RASA2: variants seen among roughly 807,000 people sequenced by gnomAD.
RASA2 encodes RAS p21 protein activator 2, also known as ras GTPase-activating protein 2.
In RASA2, 155 loss-of-function variants were observed where a neutral mutation model predicts 118.2. That is an observed-to-expected ratio of 1.31 (90% CI 1.15 to 1.50). The LOEUF (loss-of-function observed/expected upper bound fraction) is 1.50. Among genes scored for constraint, RASA2 ranks in the 40% most tolerant of loss-of-function variants. The pLI is 0.00. For synonymous variants in RASA2, 353 were observed against 349.1 expected (o/e 1.01, Z -0.12); for missense variants, 1,016 against 1,009.6 (o/e 1.01, Z -0.09).
intron 7 of RASA2, among the ~76,000 whole-genome samples, chr3:141,557,348 C>A (rs2082665292): frequency 6.6e-6 from 1 of 152,168 alleles, no homozygotes; most frequent in African/African-American, 2.4e-5. Flanking sequence ...ATGAACTCTG[C>A]TCCATTAAAG....
intron 19 of RASA2, among the ~76,000 whole-genome samples, chr3:141,607,105 G>C (rs1442853266): frequency 6.6e-6 from 1 of 152,056 alleles, no homozygotes; most frequent in Non-Finnish European, 1.5e-5. Context: ...TACCAGATAA[G>C]ATTTTTACTT....
At chr3:141,496,382 A>G (rs1406850528) in intron 1 of RASA2, among the ~76,000 whole-genome samples, 2 of 152,216 alleles carry the variant, frequency 1.3e-5, no homozygotes, top group African/African-American at 2.4e-5. Context: ...TGAACAGGCA[A>G]CCTACAGAAT....
intron 9 of RASA2, among the ~76,000 whole-genome samples, chr3:141,570,285 G>A (rs1242003820): frequency 1.3e-5 from 2 of 151,910 alleles, no homozygotes; most frequent in Non-Finnish European, 1.5e-5. Context: ...ACAGTGGCGG[G>A]ATCTCAGCTC....
chr3:141,525,211 T>C (rs1351072565), intron 3 of RASA2: 1 of 152,174 alleles, frequency 6.6e-6, no homozygotes, highest in Admixed American at 6.5e-5. Context: ...ATCTGGTGTG[T>C]ATATGTTTGG....
chr3:141,498,748 T>C (rs1192188697), intron 1 of RASA2, among the ~76,000 whole-genome samples: 1 of 152,176 alleles, frequency 6.6e-6, no homozygotes, highest in Admixed American at 6.5e-5. Context: ...AGCCTGTCCA[T>C]GTAGCCCTGA....
intron 19 of RASA2, among the ~76,000 whole-genome samples, chr3:141,588,314 CAT>C (rs1247095578): frequency 6.6e-6 from 1 of 152,168 alleles, no homozygotes; most frequent in African/African-American, 2.4e-5. Context: ...ATAATTACAA[CAT>C]AGAAAACTAG....
At chr3:141,610,729 G>A (rs1159961195) in intron 23 of RASA2, among the ~76,000 whole-genome samples, 2 of 151,644 alleles carry the variant, frequency 1.3e-5, no homozygotes, top group Non-Finnish European at 2.9e-5. Context: ...GACCTCCAGC[G>A]ATCCTCCTGC....
chr3:141,488,072 T>G (rs1468561054), intron 1 of RASA2, among the ~76,000 whole-genome samples: 1 of 152,222 alleles, frequency 6.6e-6, no homozygotes, highest in Non-Finnish European at 1.5e-5. Context: ...GAAATTTTGC[T>G]CAGAGTTGTC....
At position 141,571,061 on chromosome 3, in the gene RASA2, A is replaced by G; in HGVS notation, c.1013A>G (p.Asp338Gly). ...AAAACTTTGCTGCTAAAATCACCAG[A>G]TGTTCAAGTATGTTAAGAATCTTAA... ...PLKTLLLKSP[D>G]VQPISASAAY... is the part of the protein sequence containing the mutation. Residue 338 changes from aspartate (D) to glycine (G), a missense_variant, in exon 10 of 24, where the codon GAT becomes GGT. Around this residue, in one of 2 missense-constraint regions of RASA2, gnomAD observed 896 missense variants for 836.4 expected, o/e 1.07. Transcript: ENST00000286364. 4 of 1,597,448 alleles carry G rather than the reference A, an allele frequency of 2.5e-6. No homozygotes were observed. The highest frequency in any genetic ancestry group is 2.6e-6 in the Non-Finnish European group (3 of 1,175,436).
intron 3 of RASA2, among the ~76,000 whole-genome samples, chr3:141,524,626 C>A (rs1014890168): frequency 6.6e-6 from 1 of 152,056 alleles, no homozygotes; most frequent in African/African-American, 2.4e-5. Context: ...TGCTCTGTCG[C>A]CCAGGCTGGA....
intron 5 of RASA2, among the ~76,000 whole-genome samples, chr3:141,552,397 C>T (rs1347067250): frequency 1.3e-5 from 2 of 152,132 alleles, no homozygotes; most frequent in African/African-American, 2.4e-5. Flanking sequence ...GAGTCTTGGC[C>T]AGCTTCTTAC....
intron 17 of RASA2, among the ~76,000 whole-genome samples, chr3:141,582,937 G>T (rs1352497697): frequency 6.6e-6 from 1 of 152,170 alleles, no homozygotes; most frequent in Non-Finnish European, 1.5e-5. Flanking sequence ...ATAATTTGAT[G>T]TCTAAACCAG....
intron 2 of RASA2, among the ~76,000 whole-genome samples, chr3:141,514,332 T>TAA (rs2081993052): frequency 1.3e-5 from 2 of 152,208 alleles, no homozygotes; most frequent in African/African-American, 4.8e-5. Flanking sequence ...GAAATCAATT[T>TAA]AAAACCATTT....
intron 16 of RASA2, 56 bp from the exon 17 acceptor site, chr3:141,581,044 T>C: frequency 1.4e-6 from 2 of 1,431,846 alleles, no homozygotes; most frequent in Non-Finnish European, 1.8e-6. Flanking sequence ...ATACAGTCCA[T>C]TCTATTCTTA....
intron 3 of RASA2, among the ~76,000 whole-genome samples, chr3:141,522,187 C>T (rs2082120831): frequency 6.6e-6 from 1 of 151,946 alleles, no homozygotes; most frequent in African/African-American, 2.4e-5. Flanking sequence ...AGGAAGGAGT[C>T]ATGCACCAAC....
chr3:141,515,320 A>G (rs956481360), intron 2 of RASA2, among the ~76,000 whole-genome samples: 7 of 152,178 alleles, frequency 4.6e-5, no homozygotes, highest in Non-Finnish European at 7.3e-5. Flanking sequence ...ATTGTAAATA[A>G]TACAGCTTTA....
At chr3:141,590,216 A>G in intron 19 of RASA2, 1 of 454,572 alleles carries the variant, frequency 2.2e-6, no homozygotes, top group Admixed American at 2.4e-5. Context: ...TGATTTAGTG[A>G]TATTTTCAGG....
At position 141,559,798 on chromosome 3, in the gene RASA2, T is replaced by C. The variant is rs1281621307; in HGVS notation, c.762-96T>C. ...ACATCTTTTAAGCATGTAAAATTAA[T>C]GCTGTAATACAGATCAAAGTAATTT... On this transcript the variant is annotated intron_variant, in intron 8 of 23. Coordinates refer to ENST00000286364, the MANE Select transcript of RASA2 (RefSeq NM_006506.5). 5.2e-6 allele frequency: 5 copies of C among 958,582 alleles called. No individual in the cohort carries two copies. The Admixed American group carries it at 8.7e-5, about 17-fold the overall frequency. 59.4% of individuals were successfully genotyped at this position (958,582 alleles called of 1,614,324 possible).
At chr3:141,533,841 C>T (rs2082291561) in intron 4 of RASA2, among the ~76,000 whole-genome samples, 1 of 152,126 alleles carries the variant, frequency 6.6e-6, no homozygotes, top group South Asian at 2.1e-4. Flanking sequence ...TGCTTTCAGA[C>T]TCTGCAGTGG....
Sources: allele counts gnomAD v4.1 joint callset (sites outside exome capture counted in the v4.1 genomes callset), GRCh38; gene constraint gnomAD v4.1.1; regional missense constraint gnomAD v4.1.1; transcripts MANE v1.5; gene names NCBI Gene and HGNC (gene_info 2026-07-23, HGNC 2026-07-21).